The following THAP9 variants were observed in gnomAD, a reference collection of about 807,000 sequenced individuals.
THAP9 encodes the protein THAP domain containing 9.
In THAP9, 20 loss-of-function variants were observed where a neutral mutation model predicts 35.7. The observed-to-expected ratio is 0.56, with a 90% CI of 0.39 to 0.81. The LOEUF (loss-of-function observed/expected upper bound fraction) is 0.81, where lower values mean the gene tolerates loss of function less well. Ranked by LOEUF, THAP9 falls within the 40% of genes least tolerant of loss-of-function variation. The pLI is 0.00. For missense variants in THAP9, 870 were observed against 1,047.4 expected, an observed-to-expected ratio of 0.83 and a Z score of 2.34; for synonymous variants, 335 against 373.7, an observed-to-expected ratio of 0.90 and a Z score of 1.19.
chr4:82,916,994 C>T lies in THAP9; in HGVS notation c.782C>T (p.Ser261Phe). ...CCAGGTTTCAACAGCAACATTTTTT[C>T]TTTTCTTCAACGAAGAGTAGAGAAT... ...PSPGFNSNIF[S>F]FLQRRVENGD... The change falls in exon 5 of 5, where the codon TCT (serine) becomes TTT (phenylalanine). Residue 261 changes from serine to phenylalanine, a missense_variant. Coordinates refer to ENST00000302236, the MANE Select transcript of THAP9 (RefSeq NM_024672.6). The T allele has an allele frequency of 6.4e-7, 1 of 1,553,120 alleles. No individual in the cohort carries two copies. The highest frequency in any genetic ancestry group is 8.7e-7 in the Non-Finnish European group (1 of 1,152,480).
Position 82,906,394 on chromosome 4 carries a change from C to T in THAP9, c.347C>T (p.Ser116Phe), listed in dbSNP as rs772978004. The change falls in exon 3 of 5, where the codon TCT (serine) becomes TTT (phenylalanine). Residue 116 changes from serine (S) to phenylalanine (F), a missense_variant. Physicochemically the swap from Ser to Phe is radical, Grantham distance 155. Around this residue, in one of 3 missense-constraint regions of THAP9, gnomAD observed 440 missense variants for 501.2 expected, o/e 0.88. Coordinates refer to ENST00000302236, the MANE Select transcript of THAP9 (RefSeq NM_024672.6). ...KILKQPLPDNSQEVATEDHNY... is the reference protein window; with the variant it reads ...KILKQPLPDNFQEVATEDHNY... Reference sequence around the variant, plus strand: ...CTAAAACAACCTCTTCCAGACAATTCTCAAGAAGTTGCTACTGAGGACCAT... The same window carrying T: ...CTAAAACAACCTCTTCCAGACAATTTTCAAGAAGTTGCTACTGAGGACCAT... 1.2e-6 allele frequency: 2 copies of T among 1,613,396 alleles called. No individual in the cohort carries two copies. Among genetic ancestry groups the T allele is most frequent in the South Asian group, 2.2e-5 (2 of 90,970 alleles).
chr4:82,908,761 C>T (rs1720753505), intron 4 of THAP9, among the ~76,000 whole-genome samples: 1 of 151,930 alleles, frequency 6.6e-6, no homozygotes, highest in East Asian at 1.9e-4. Flanking sequence ...CACCCAGCTA[C>T]TATTTTGTAT....
chr4:82,911,271 T>C (rs1720854936), intron 4 of THAP9, among the ~76,000 whole-genome samples: 1 of 147,978 alleles, frequency 6.8e-6, no homozygotes, highest in Admixed American at 7.0e-5. Flanking sequence ...GATTTGGTAG[T>C]AGGAAAATGA....
Position 82,917,402 on chromosome 4 carries a change from G to A in THAP9, c.1190G>A (p.Cys397Tyr), listed in dbSNP as rs1721072850. 5 of 1,613,916 alleles carry A rather than the reference G, an allele frequency of 3.1e-6. No homozygotes were observed. Among genetic ancestry groups the A allele is most frequent in the Non-Finnish European group, 4.2e-6 (5 of 1,179,936 alleles). ...GIHIDGDDMK[C>Y]TFQHPSSSSQ... ...CATATTGATGGAGACGACATGAAAT[G>A]TACATTTCAGCATCCTTCATCTTCT... Residue 397 changes from cysteine (C) to tyrosine (Y), a missense_variant, in exon 5 of 5, where the codon TGT (cysteine) becomes TAT (tyrosine). Transcript: ENST00000302236.
At position 82,919,442 on chromosome 4, in the gene THAP9, C is replaced by T. The variant is rs1721163044; in HGVS notation, c.*518C>T. ...GCAAATATCAAATACTGCAAAAATCCCCTTGTCCCAGGATACCCTAAAATA... is the reference window on the plus strand; with the variant it reads ...GCAAATATCAAATACTGCAAAAATCTCCTTGTCCCAGGATACCCTAAAATA... On this transcript the variant is annotated 3_prime_UTR_variant, in exon 5 of 5. Transcript: ENST00000302236. The T allele has an allele frequency of 6.6e-6, 1 of 152,258 alleles. No individual in the cohort carries two copies. Among genetic ancestry groups the T allele is most frequent in the Non-Finnish European group, 1.5e-5 (1 of 68,218 alleles). 9.4% of individuals were successfully genotyped at this position (152,258 alleles called of 1,614,324 possible).
At position 82,900,848 on chromosome 4, in the gene THAP9, G is replaced by A. The variant is rs781730054; in HGVS notation, c.46G>A (p.Val16Met). 19 of 1,613,422 alleles carry A rather than the reference G, an allele frequency of 1.2e-5. No individual in the cohort carries two copies. The African/African-American group carries it at 1.7e-4, about 15-fold the overall frequency. The change falls in exon 1 of 5, where the codon GTG becomes ATG. Residue 16 changes from valine to methionine, a missense_variant. Physicochemically the swap from Val to Met is conservative, Grantham distance 21 (BLOSUM62 1). This residue lies in a region of THAP9 where 440 missense variants were observed against 501.2 expected (regional missense o/e 0.88). Transcript: ENST00000302236. The part of the protein sequence containing the change: ...SAVGCSTRDT[V>M]LSRERGLSFH... Reference sequence around the variant, plus strand: ...AGTGGGCTGCAGCACCCGTGACACCGTGCTCAGCCGGGAGCGCGGCCTCTC... The same window carrying A: ...AGTGGGCTGCAGCACCCGTGACACCATGCTCAGCCGGGAGCGCGGCCTCTC...
rs762778754 is a variant in THAP9 at position 82,918,866 on chromosome 4, C to G, written c.2654C>G (p.Ala885Gly). 5 of 1,612,058 alleles carry G rather than the reference C, an allele frequency of 3.1e-6. 1 individual carries two copies. Among genetic ancestry groups the G allele is most frequent in the South Asian group, 2.2e-5 (2 of 90,612 alleles). ...SVQDYKCSSF[A>G]NTSSKFRHLL... ...CAGGATTATAAATGTTCAAGTTTTG[C>G]TAATACCAGTAGTAAATTCAGGCAT... Residue 885 changes from alanine to glycine, a missense_variant, in exon 5 of 5, where the codon GCT becomes GGT. This residue lies in a region of THAP9 where 414 missense variants were observed against 500.8 expected (regional missense o/e 0.83). Transcript: ENST00000302236.
chr4:82,915,366 C>T (rs1395381653), intron 4 of THAP9, among the ~76,000 whole-genome samples: 1 of 152,148 alleles, frequency 6.6e-6, no homozygotes, highest in Non-Finnish European at 1.5e-5. Context: ...AAGCACTTCT[C>T]CTGCCTCAGC....
In THAP9 at chr4:82,906,321, T is replaced by C. The variant is rs1401838089; in HGVS notation, c.277-3T>C. 12 of 1,567,728 alleles carry C rather than the reference T, an allele frequency of 7.7e-6. No homozygotes were observed. The highest frequency in any genetic ancestry group is 1.0e-5 in the Non-Finnish European group (12 of 1,159,548). ...TAACTTTAATTTTATATATCTGTCA[T>C]AGATTCCTCAAGGTGTACATCTTAA... On this transcript the variant is annotated splice_polypyrimidine_tract_variant and splice_region_variant and intron_variant, in intron 2 of 4. Transcript: ENST00000302236.
chr4:82,917,530 C>T lies in THAP9; in HGVS notation c.1318C>T (p.His440Tyr), dbSNP rs1721079117. The change falls in exon 5 of 5, where the codon CAT becomes TAT. Residue 440 changes from histidine to tyrosine, a missense_variant. By Grantham distance (83) the His-to-Tyr change is moderately conservative. Transcript: ENST00000302236. ...QSIQFINGIA[H>Y]WQHLVELVAL... ...CATTCAGTTTATTAATGGTATAGCA[C>T]ATTGGCAGCACCTCGTGGAGTTAGT... The T allele has an allele frequency of 1.9e-6, 3 of 1,613,514 alleles. No individual in the cohort carries two copies. Among genetic ancestry groups the T allele is most frequent in the African/African-American group, 2.7e-5 (2 of 74,936 alleles).
At chr4:82,912,002 A>G (rs1040467694) in intron 4 of THAP9, among the ~76,000 whole-genome samples, 1 of 152,146 alleles carries the variant, frequency 6.6e-6, no homozygotes, top group African/African-American at 2.4e-5. Context: ...TGCCTCATGA[A>G]TTTCTAATTG....
Position 82,917,306 on chromosome 4 carries a change from G to C in THAP9, c.1094G>C (p.Gly365Ala). Residue 365 changes from glycine to alanine, a missense_variant, in exon 5 of 5, where the codon GGA (glycine) becomes GCA (alanine). By Grantham distance (60) the Gly-to-Ala change is moderately conservative (BLOSUM62 0). This residue lies in a region of THAP9 where 440 missense variants were observed against 501.2 expected (regional missense o/e 0.88). Coordinates refer to ENST00000302236, the MANE Select transcript of THAP9 (RefSeq NM_024672.6). ...ACTATTGGTAAACTGAGTGACATAG[G>C]AATCACAGTTCTGGCTGTTACATCT... ...RLTIGKLSDI[G>A]ITVLAVTSDA... is the part of the protein sequence containing the mutation. 6.2e-7 allele frequency: 1 copy of C among 1,613,980 alleles called. No individual in the cohort carries two copies. The highest frequency in any genetic ancestry group is 8.5e-7 in the Non-Finnish European group (1 of 1,179,922).
chr4:82,902,105 C>CTTTTTTTTTTTTTTTTTTTT (rs768693634), intron 1 of THAP9, among the ~76,000 whole-genome samples: 1 of 104,498 alleles, frequency 9.6e-6, no homozygotes, highest in Non-Finnish European at 1.8e-5. Flanking sequence ...CATTTTCCTT[C>CTTTTTTTTTTTTTTTTTTTT]TTTTTTTTTT....
At chr4:82,907,750 T>C (rs767213553) in intron 3 of THAP9, 35 bp from the exon 4 acceptor site, 4 of 1,503,448 alleles carry the variant, frequency 2.7e-6, no homozygotes, top group Non-Finnish European at 2.7e-6. Context: ...AATTTTACTA[T>C]TCATCACAAA....
rs35040354 is a variant in THAP9 at position 82,918,060 on chromosome 4, A to G, written c.1848A>G (p.Leu616=). The G allele has an allele frequency of 0.022, 34,714 of 1,614,078 alleles. 442 individuals are homozygous for G. Among genetic ancestry groups the G allele is most frequent in the Non-Finnish European group, 0.027 (31,343 of 1,179,992 alleles). ...KFSHDHLELF[L]KMLRQVLVTS... ...GTCATGATCATCTGGAATTATTTCT[A>G]AAGATGCTTAGGCAGGTATTAGTAA... The change falls in exon 5 of 5, where the codon CTA becomes CTG. Residue 616 remains leucine (L), a synonymous_variant. Transcript: ENST00000302236.
At chr4:82,913,673 C>T (rs540658006) in intron 4 of THAP9, among the ~76,000 whole-genome samples, 10 of 152,138 alleles carry the variant, frequency 6.6e-5, no homozygotes, top group Admixed American at 2.6e-4. Context: ...TCCCAACCTC[C>T]ACCCTCGAGT....
chr4:82,904,691 C>T, intron 1 of THAP9, 45 bp from the exon 2 acceptor site: 1 of 1,537,318 alleles, frequency 6.5e-7, no homozygotes, highest in Non-Finnish European at 9.0e-7. Context: ...TGTAATAGTA[C>T]TATAATGTTT....
chr4:82,910,814 A>G, intron 4 of THAP9: 1 of 425,446 alleles, frequency 2.4e-6, no homozygotes. Context: ...GAGATCAGGT[A>G]AGATGAGGAC....
intron 1 of THAP9, among the ~76,000 whole-genome samples, chr4:82,902,037 A>G (rs1414047736): frequency 6.6e-6 from 1 of 151,834 alleles, no homozygotes. Context: ...TTATTACCAA[A>G]TTAATTTTTT....
Sources: gnomAD v4.1 joint callset for allele counts (sites outside exome capture counted in the v4.1 genomes callset) on GRCh38, gnomAD v4.1.1 for gene constraint, gnomAD v4.1.1 regional missense constraint, MANE v1.5 for transcripts, NCBI Gene and HGNC (gene_info 2026-07-23, HGNC 2026-07-21) for gene names.